Variants in CEP128 observed in about 807,000 individuals in gnomAD.
CEP128 encodes the protein centrosomal protein 128kDa.
Under a neutral mutation model 156.7 loss-of-function variants are expected in CEP128, and 132 were observed. The ratio of observed to expected loss-of-function variants is 0.84; its 90% CI spans 0.73 to 0.97. CEP128 has a LOEUF of 0.97. Ranked by LOEUF, CEP128 falls within the 50% of genes least tolerant of loss-of-function variation. The pLI is 0.00. For missense variants in CEP128, 1,252 were observed against 1,281.9 expected (o/e 0.98, Z 0.36); for synonymous variants, 469 against 448.9 (o/e 1.04, Z -0.57).
chr14:80,478,698 G>A (rs577801112), intron 14 of CEP128, among the ~76,000 whole-genome samples: 18 of 152,268 alleles, frequency 1.2e-4, no homozygotes, highest in South Asian at 6.2e-4. Flanking sequence ...AAGCTCTTCC[G>A]AATACTGTTT....
intron 19 of CEP128, among the ~76,000 whole-genome samples, chr14:80,704,685 TA>T (rs1247468041): frequency 1.7e-5 from 1 of 60,400 alleles, no homozygotes; most frequent in Non-Finnish European, 4.5e-5. Flanking sequence ...AATTTTTTTA[TA>T]AAATTAGGAT....
intron 13 of CEP128, among the ~76,000 whole-genome samples, chr14:80,812,355 C>A (rs1428120406): frequency 6.6e-6 from 1 of 152,160 alleles, no homozygotes; most frequent in Non-Finnish European, 1.5e-5. Context: ...AATAGTGTTG[C>A]AATGAACATA....
In CEP128 at chr14:80,955,768, G is replaced by A; in HGVS notation, c.-172+2410C>T. On this transcript the variant is annotated intron_variant, in intron 2 of 7. Transcript: ENST00000555529. ...AATGGGGTGTTCGTCTCCACCCTGC[G>A]AGTGCCATCAGGAGGAGGACTTCAG... 4 of 1,614,182 alleles carry A rather than the reference G, an allele frequency of 2.5e-6. 1 individual carries two copies. The South Asian group carries it at 4.4e-5, about 18-fold the overall frequency.
At chr14:80,581,685 G>A (rs911239136) in intron 19 of CEP128, among the ~76,000 whole-genome samples, 5 of 152,128 alleles carry the variant, frequency 3.3e-5, no homozygotes, top group African/African-American at 1.2e-4. Context: ...AATCAGGTAC[G>A]TCAAAAAAGT....
chr14:80,899,954 G>A lies in CEP128; in HGVS notation c.556C>T (p.Leu186Phe). Reference protein sequence around the residue: ...IRLGDDFNRELSRRSRSDAET... With the variant: ...IRLGDDFNREFSRRSRSDAET... ...TGCTTTTACCGGCTCCTTCTGGAAA[G>A]CTCCCTGTTGAAATCATCTCCAAGG... Residue 186 changes from leucine (L) to phenylalanine (F), a missense_variant, in exon 7 of 25, where the codon CTT (leucine) becomes TTT (phenylalanine). Transcript: ENST00000555265. The A allele has an allele frequency of 1.2e-6, 2 of 1,612,782 alleles. No homozygotes were observed. The highest frequency in any genetic ancestry group is 1.7e-6 in the Non-Finnish European group (2 of 1,178,946).
At chr14:80,573,702 C>A (rs1178515945) in intron 20 of CEP128, among the ~76,000 whole-genome samples, 4 of 152,052 alleles carry the variant, frequency 2.6e-5, no homozygotes, top group Non-Finnish European at 5.9e-5. Context: ...AGGGTGTAAA[C>A]CTAATTGGCT....
intron 6 of CEP128, among the ~76,000 whole-genome samples, chr14:80,902,197 T>G (rs1002052991): frequency 6.6e-6 from 1 of 152,218 alleles, no homozygotes; most frequent in African/African-American, 2.4e-5. Flanking sequence ...TTATTTAATA[T>G]CTAGCTCCTC....
At chr14:80,491,057 A>G (rs1947207003) in intron 6 of CEP128, among the ~76,000 whole-genome samples, 2 of 152,178 alleles carry the variant, frequency 1.3e-5, no homozygotes, top group African/African-American at 4.8e-5. Flanking sequence ...GCTTTCAGGA[A>G]TCGTTGAACA....
intron 13 of CEP128, among the ~76,000 whole-genome samples, chr14:80,809,324 T>C (rs530046615): frequency 6.6e-6 from 1 of 151,506 alleles, no homozygotes; most frequent in South Asian, 2.1e-4. Flanking sequence ...TCAATCAGAA[T>C]TTTAAAAAAA....
downstream of CEP128, among the ~76,000 whole-genome samples, chr14:80,495,406 C>A (rs1295191249): frequency 2.0e-5 from 3 of 152,138 alleles, no homozygotes; most frequent in Admixed American, 1.3e-4. Context: ...GGAATTTTGA[C>A]AAAATTGTTG....
chr14:80,852,088 G>A (rs1181164792), intron 9 of CEP128, among the ~76,000 whole-genome samples: 2 of 152,006 alleles, frequency 1.3e-5, no homozygotes, highest in African/African-American at 2.4e-5. Flanking sequence ...ATATGTGTGT[G>A]TGTATGTATG....
At chr14:80,737,624 G>A (rs1327121310) in intron 19 of CEP128, among the ~76,000 whole-genome samples, 3 of 152,170 alleles carry the variant, frequency 2.0e-5, no homozygotes, top group African/African-American at 7.2e-5. Flanking sequence ...TTTCATGCCT[G>A]TAATCCCAGT....
At chr14:80,776,533 T>C (rs1368863404) in intron 16 of CEP128, among the ~76,000 whole-genome samples, 2 of 147,868 alleles carry the variant, frequency 1.4e-5, no homozygotes, top group East Asian at 3.9e-4. Flanking sequence ...TATATTAATA[T>C]ATATTAATTA....
Position 80,885,082 on chromosome 14 carries a change from C to A in CEP128, c.645+10636G>T, listed in dbSNP as rs375975896. On this transcript the variant is annotated intron_variant, in intron 8 of 24. Transcript: ENST00000555265. ...GGCCAGACTGCCTCTCTAGATTCCT[C>A]CTCACTGGGCAGGACATCTCTGAAA... is the stretch of plus-strand genomic sequence containing the variant. Among the ~76,000 whole-genome samples, 74 of 152,288 alleles carry A rather than the reference C, an allele frequency of 4.9e-4. 1 individual carries two copies. The South Asian group carries it at 0.015, about 31-fold the overall frequency.
In CEP128 at chr14:80,556,916, T is replaced by C. The variant is rs923146767; in HGVS notation, c.2880+2363A>G. ...TCAGTTGAAGAGTCTACCAAGTTCA[T>C]TAAAATCTGTCCCTTAAAATGTCAT... is the stretch of plus-strand genomic sequence containing the variant. On this transcript the variant is annotated intron_variant, in intron 21 of 24. Coordinates refer to ENST00000555265, the MANE Select transcript of CEP128 (RefSeq NM_152446.5). Among the ~76,000 whole-genome samples the C allele has an allele frequency of 5.3e-5, 8 of 152,318 alleles. No individual in the cohort carries two copies. In the South Asian group the frequency reaches 8.3e-4, roughly 16 times the overall value.
chr14:80,764,869 CCT>C lies in CEP128; in HGVS notation c.2377-3258_2377-3257del, dbSNP rs1260210384. 6.6e-5 allele frequency among the ~76,000 whole-genome samples: 10 copies of C among 152,304 alleles called. No individual in the cohort carries two copies. The East Asian group carries it at 7.7e-4, about 12-fold the overall frequency. On this transcript the variant is annotated intron_variant, in intron 16 of 24. Transcript: ENST00000555265. ...CAGGTAAAGATTTCTGTTCCTTTCC[CCT>C]GTTTTTTATTTGATTAGGTTTCAGA...
intron 18 of CEP128, among the ~76,000 whole-genome samples, chr14:80,747,972 C>A (rs1401176827): frequency 2.0e-5 from 3 of 152,126 alleles, no homozygotes; most frequent in African/African-American, 7.2e-5. Flanking sequence ...TGTAAATACA[C>A]TAAAAAGCAT....
intron 19 of CEP128, among the ~76,000 whole-genome samples, chr14:80,738,327 G>A (rs1471825553): frequency 6.6e-6 from 1 of 152,106 alleles, no homozygotes; most frequent in Non-Finnish European, 1.5e-5. Flanking sequence ...ACCACCAACT[G>A]TACAAGTAGC....
chr14:80,578,078 G>A (rs993389394), intron 20 of CEP128, among the ~76,000 whole-genome samples: 25 of 152,020 alleles, frequency 1.6e-4, no homozygotes, highest in Admixed American at 1.1e-3. Flanking sequence ...TGACAAACAA[G>A]GACAGATGTT....
Sources: gnomAD v4.1 joint callset for allele counts (sites outside exome capture counted in the v4.1 genomes callset) on GRCh38, gnomAD v4.1.1 for gene constraint, MANE v1.5 for transcripts, NCBI Gene and HGNC (gene_info 2026-07-23, HGNC 2026-07-21) for gene names.